AKAP7: variants seen among roughly 807,000 people sequenced by gnomAD.
AKAP7 encodes A kinase (PRKA) anchor protein 7.
A neutral mutation model predicts 39.5 loss-of-function variants in AKAP7; 39 were observed. The ratio of observed to expected loss-of-function variants is 0.99; its 90% confidence interval spans 0.76 to 1.29. The LOEUF is 1.29. AKAP7 is among the 50% of genes most tolerant of loss of function. The pLI, the probability that AKAP7 is intolerant of heterozygous loss-of-function variation, is 0.00. For missense variants in AKAP7, 414 were observed against 407.7 expected (o/e 1.02, Z -0.13); for synonymous variants, 140 against 139.1 (o/e 1.01, Z -0.05).
chr6:131,161,686 T>TAAAAAAAAAAAAAAAA (rs1392090781), intron 3 of AKAP7, among the ~76,000 whole-genome samples: 37 of 78,908 alleles, frequency 4.7e-4, no homozygotes, highest in Admixed American at 6.8e-4. Flanking sequence ...AAAAAAAAAT[T>TAAAAAAAAAAAAAAAA]AAAGGTCCTA....
rs766186217 is a variant in AKAP7 at position 131,281,653 on chromosome 6, C to A, written c.974C>A (p.Pro325Gln). The A allele has an allele frequency of 6.2e-7, 1 of 1,613,218 alleles. No individual in the cohort carries two copies. Among genetic ancestry groups the A allele is most frequent in the African/African-American group, 1.3e-5 (1 of 74,824 alleles). ...GAGGAAACACAGAATAAAAACAAGC[C>A]GGGGGAGGGGAGCTCTGTGAAAACC... ...YLEETQNKNKPGEGSSVKTEA... is the reference protein window; with the variant it reads ...YLEETQNKNKQGEGSSVKTEA... Residue 325 changes from proline (P) to glutamine (Q), a missense_variant, in exon 8 of 8, where the codon CCG becomes CAG. By Grantham distance (76) the Pro-to-Gln change is moderately conservative (BLOSUM62 -1). Coordinates refer to ENST00000431975, the MANE Select transcript of AKAP7 (RefSeq NM_016377.4). This position sits in a 1 kb window ranked among gnomAD's most constrained non-coding sequence, Gnocchi z 4.0.
intron 6 of AKAP7, among the ~76,000 whole-genome samples, chr6:131,217,877 T>C (rs1026442539): frequency 6.6e-6 from 1 of 152,160 alleles, no homozygotes; most frequent in Non-Finnish European, 1.5e-5. Context: ...CTCTCCAGTC[T>C]GAAGGAATGA....
At chr6:131,216,944 A>G (rs1809240679) in intron 6 of AKAP7, among the ~76,000 whole-genome samples, 1 of 152,222 alleles carries the variant, frequency 6.6e-6, no homozygotes, top group East Asian at 1.9e-4. Context: ...TTTCTTCTAC[A>G]TGTGAAATAA....
intron 7 of AKAP7, among the ~76,000 whole-genome samples, chr6:131,247,291 A>G (rs778320682): frequency 0.12 from 14,525 of 116,332 alleles, 1,546 homozygotes; most frequent in Non-Finnish European, 0.16. Flanking sequence ...ATATATATAT[A>G]TATATATATA....
At chr6:131,165,578 A>C (rs746792736) in intron 4 of AKAP7, among the ~76,000 whole-genome samples, 1 of 152,236 alleles carries the variant, frequency 6.6e-6, no homozygotes, top group Non-Finnish European at 1.5e-5. Context: ...CTTTCTAAGT[A>C]AATGAAGAAA....
intron 7 of AKAP7, chr6:131,241,945 T>A (rs1432665053): frequency 1.5e-6 from 1 of 678,018 alleles, no homozygotes; most frequent in Admixed American, 6.3e-5. Flanking sequence ...AAACTTGCTC[T>A]GGTAGAAATG....
chr6:131,155,497 G>C (rs1464620160), intron 2 of AKAP7, among the ~76,000 whole-genome samples: 1 of 152,154 alleles, frequency 6.6e-6, no homozygotes, highest in Non-Finnish European at 1.5e-5. Flanking sequence ...TCATTGGGTT[G>C]ATCTCTTACT....
chr6:131,247,315 GTT>G (rs1243723637), intron 7 of AKAP7, among the ~76,000 whole-genome samples: 4 of 45,806 alleles, frequency 8.7e-5, no homozygotes, highest in Admixed American at 2.6e-4. Context: ...ATATATATAT[GTT>G]TTTTTTTTCT....
chr6:131,276,556 A>T (rs1814760259), intron 7 of AKAP7, among the ~76,000 whole-genome samples: 1 of 145,520 alleles, frequency 6.9e-6, no homozygotes, highest in Admixed American at 6.9e-5. Flanking sequence ...AAGCTCAGTT[A>T]AAAAAAAAAA....
intron 7 of AKAP7, among the ~76,000 whole-genome samples, chr6:131,237,126 A>G (rs946024010): frequency 6.6e-6 from 1 of 152,108 alleles, no homozygotes; most frequent in African/African-American, 2.4e-5. Flanking sequence ...GGGTTGTTGA[A>G]TTTTGTCAAA....
At chr6:131,250,393 A>C in intron 7 of AKAP7, 1 of 1,446,986 alleles carries the variant, frequency 6.9e-7, no homozygotes, top group South Asian at 1.5e-5. Flanking sequence ...CACGGCAGCA[A>C]GTTCCCTTCT....
intron 2 of AKAP7, among the ~76,000 whole-genome samples, chr6:131,148,524 A>G (rs1801658644): frequency 6.6e-6 from 1 of 152,052 alleles, no homozygotes; most frequent in Admixed American, 6.6e-5. Context: ...GAGATAATGT[A>G]TGCAAGAAAG....
intron 3 of AKAP7, chr6:131,164,299 C>T (rs189341908): frequency 2.2e-6 from 1 of 447,928 alleles, no homozygotes; most frequent in Non-Finnish European, 4.5e-6. Flanking sequence ...ATTTTGTATT[C>T]AGACTACTTT....
rs1219685632 is a variant in AKAP7 at position 131,135,522 on chromosome 6, CGCCGCCGCTGCT to C, written c.-236_-225del. 1 of 167,398 alleles carries C rather than the reference CGCCGCCGCTGCT, an allele frequency of 6.0e-6. No individual in the cohort carries two copies. Among genetic ancestry groups the C allele is most frequent in the South Asian group, 1.8e-4 (1 of 5,536 alleles). The allele number at this position is 167,398 out of a possible 1,614,324, so 10.4% of individuals were successfully genotyped here. A position where few individuals can be genotyped will look rare whatever the true frequency, so the allele number is the denominator to read the frequency against. On this transcript the variant is annotated 5_prime_UTR_variant, in exon 1 of 8. Coordinates refer to ENST00000431975, the MANE Select transcript of AKAP7 (RefSeq NM_016377.4). ...CGGGTGCTGCGGCTGCTGCGGCTGC[CGCCGCCGCTGCT>C]GCCGCTGCCGCGGGGGCTGCGGCTT...
intron 6 of AKAP7, among the ~76,000 whole-genome samples, chr6:131,209,090 T>G (rs1808402940): frequency 6.6e-6 from 1 of 152,200 alleles, no homozygotes; most frequent in Non-Finnish European, 1.5e-5. Context: ...AGCAAGTCCT[T>G]TTTCCACTGA....
At chr6:131,187,915 G>A (rs1806025888) in intron 5 of AKAP7, among the ~76,000 whole-genome samples, 1 of 152,124 alleles carries the variant, frequency 6.6e-6, no homozygotes, top group Non-Finnish European at 1.5e-5. Flanking sequence ...GGATAAGAAG[G>A]GACCTGAGAG....
chr6:131,252,951 C>A (rs1397209304), intron 7 of AKAP7: 4 of 1,371,806 alleles, frequency 2.9e-6, no homozygotes, highest in Non-Finnish European at 4.1e-6. Flanking sequence ...CTAGAATGTT[C>A]CTCCTTGAAG....
intron 7 of AKAP7, among the ~76,000 whole-genome samples, chr6:131,261,551 A>G (rs1813340925): frequency 6.6e-6 from 1 of 152,220 alleles, no homozygotes; most frequent in Non-Finnish European, 1.5e-5. Context: ...TATACCCAGT[A>G]CTGTACTTAA....
At chr6:131,219,838 CTTTATT>C in intron 7 of AKAP7, 30 bp downstream of exon 7, 1 of 1,396,090 alleles carries the variant, frequency 7.2e-7, no homozygotes, top group Non-Finnish European at 9.4e-7. Flanking sequence ...TATTTATTAT[CTTTATT>C]TTTAATTTTT....
Sources: allele counts gnomAD v4.1 joint callset (sites outside exome capture counted in the v4.1 genomes callset), GRCh38; gene constraint gnomAD v4.1.1; non-coding constraint Gnocchi (gnomAD v3.1); transcripts MANE v1.5; gene names NCBI Gene and HGNC (gene_info 2026-07-23, HGNC 2026-07-21).